The following IL6ST variants were observed in gnomAD, a reference collection of about 807,000 sequenced individuals.
The protein encoded by IL6ST is interleukin-6 receptor subunit beta.
In IL6ST, 24 loss-of-function variants were observed where a neutral mutation model predicts 91.3. The ratio of observed to expected loss-of-function variants is 0.26; its 90% CI spans 0.19 to 0.37. IL6ST has a LOEUF of 0.37. Among genes scored for constraint, IL6ST ranks in the 10% least tolerant of loss-of-function variants. The pLI, the probability that IL6ST is intolerant of heterozygous loss-of-function variation, is 1.00. For missense variants in IL6ST, 914 were observed against 1,078.5 expected (o/e 0.85, Z 2.14); for synonymous variants, 351 against 373.6 (o/e 0.94, Z 0.70).
intron 15 of IL6ST, among the ~76,000 whole-genome samples, chr5:55,943,818 C>T (rs1751069934): frequency 6.6e-6 from 1 of 152,018 alleles, no homozygotes; most frequent in Non-Finnish European, 1.5e-5. Context: ...ACCTGTAATC[C>T]CAACACTTTG....
At chr5:55,958,448 TA>T (rs71602928) in intron 8 of IL6ST, among the ~76,000 whole-genome samples, 1 of 152,076 alleles carries the variant, frequency 6.6e-6, no homozygotes, top group Non-Finnish European at 1.5e-5. Flanking sequence ...AAGTTTGTCT[TA>T]AAAAAATCAA....
Position 55,962,920 on chromosome 5 carries a change from T to G in IL6ST, c.813+432A>C, listed in dbSNP as rs1752407044. On this transcript the variant is annotated intron_variant, in intron 7 of 16. Coordinates refer to ENST00000381298, the MANE Select transcript of IL6ST (RefSeq NM_002184.4). ...GCTTAAGGCCAGGAGTTTGAGACCATCCTGGGCAACACGGCGAGACTCCAT... is the reference window on the plus strand; with the variant it reads ...GCTTAAGGCCAGGAGTTTGAGACCAGCCTGGGCAACACGGCGAGACTCCAT... Among the ~76,000 whole-genome samples the G allele has an allele frequency of 2.6e-5, 4 of 151,994 alleles. No individual in the cohort carries two copies. The South Asian group carries it at 8.3e-4, about 32-fold the overall frequency.
rs866200393 is a variant in IL6ST, at chr5:55,986,206, G to T, written c.-103-3395C>A. On this transcript the variant is annotated intron_variant, in intron 1 of 16. Coordinates refer to ENST00000381298, the MANE Select transcript of IL6ST (RefSeq NM_002184.4). ...ACTACTTCTATCATTGTTCAAAAAG[G>T]GATATTGAAATCCCTGAATATAACT... Among the ~76,000 whole-genome samples, 64 of 152,214 alleles carry T rather than the reference G, an allele frequency of 4.2e-4. No homozygotes were observed. In the Middle Eastern group the frequency reaches 0.01, roughly 24 times the overall value.
chr5:55,964,886 GT>G (rs1752549662), intron 5 of IL6ST, among the ~76,000 whole-genome samples: 1 of 151,962 alleles, frequency 6.6e-6, no homozygotes, highest in Non-Finnish European at 1.5e-5. Flanking sequence ...ATACAACACT[GT>G]TTTTAAAAAT....
chr5:55,966,333 G>A (rs1264049546), intron 5 of IL6ST, among the ~76,000 whole-genome samples: 1 of 152,168 alleles, frequency 6.6e-6, no homozygotes, highest in Non-Finnish European at 1.5e-5. Context: ...ATATCAGACA[G>A]GTAGTTGCTC....
chr5:55,952,206 A>G (rs373546709), intron 12 of IL6ST, 44 bp downstream of exon 12: 7 of 1,519,442 alleles, frequency 4.6e-6, no homozygotes, highest in Non-Finnish European at 6.3e-6. Context: ...CTGTTAATAC[A>G]AAGCCCTAAA....
Position 55,964,215 on chromosome 5 carries a change from A to G in IL6ST, c.589T>C (p.Trp197Arg), listed in dbSNP as rs1752506245. ...CCAAGGGCATTCTCTGCTTCTACCC[A>G]GACTTCAATGTTGACAAAATACACA... ...STVYFVNIEV[W>R]VEAENALGKV... The change falls in exon 6 of 17, where the codon TGG (tryptophan) becomes CGG (arginine). Residue 197 changes from tryptophan to arginine, a missense_variant. Physicochemically the swap from Trp to Arg is moderately radical, Grantham distance 101 (BLOSUM62 -3). Transcript: ENST00000381298. The G allele has an allele frequency of 6.2e-7, 1 of 1,610,756 alleles. No homozygotes were observed. The highest frequency in any genetic ancestry group is 1.3e-5 in the African/African-American group (1 of 74,874).
chr5:55,993,779 C>T (rs1754469006), intron 1 of IL6ST, among the ~76,000 whole-genome samples: 1 of 152,118 alleles, frequency 6.6e-6, no homozygotes, highest in South Asian at 2.1e-4. Flanking sequence ...AAAATACTTC[C>T]AAATAGGAAT....
At chr5:55,957,412 C>T in intron 8 of IL6ST, 121 bp from the exon 9 acceptor site, 1 of 498,026 alleles carries the variant, frequency 2.0e-6, no homozygotes. Flanking sequence ...GTGTCTCTAC[C>T]TCTTTATACC....
rs192871080 is a variant in IL6ST at position 55,969,436 on chromosome 5, G to A, written c.370+114C>T. Reference sequence around the variant, plus strand: ...AGCTTATTTTTTAAAAACCAAACATGTCCAAGTCACTAAGTCCACAAGTTA... The same window carrying A: ...AGCTTATTTTTTAAAAACCAAACATATCCAAGTCACTAAGTCCACAAGTTA... On this transcript the variant is annotated intron_variant, in intron 4 of 16. Coordinates refer to ENST00000381298, the MANE Select transcript of IL6ST (RefSeq NM_002184.4). 8.9e-5 allele frequency: 61 copies of A among 687,018 alleles called. No individual in the cohort carries two copies. In the African/African-American group the frequency reaches 9.0e-4, roughly 10 times the overall value. 42.6% of individuals were successfully genotyped at this position (687,018 alleles called of 1,614,324 possible).
At position 55,954,963 on chromosome 5, in the gene IL6ST, A is replaced by G. The variant is rs376610689; in HGVS notation, c.1297T>C (p.Phe433Leu). The change falls in exon 11 of 17, where the codon TTC (phenylalanine) becomes CTC (leucine). Residue 433 changes from phenylalanine to leucine, a missense_variant. Physicochemically the swap from Phe to Leu is conservative, Grantham distance 22 (BLOSUM62 0). Transcript: ENST00000381298. The part of the protein sequence containing the change: ...ATHPVMDLKA[F>L]PKDNMLWVEW... Reference sequence around the variant, plus strand: ...ACCCAAAGCATGTTATCTTTGGGGAATGCTTTAAGATCCATTACAGGGTGA... The same window carrying G: ...ACCCAAAGCATGTTATCTTTGGGGAGTGCTTTAAGATCCATTACAGGGTGA... 6.2e-7 allele frequency: 1 copy of G among 1,610,624 alleles called. No homozygotes were observed. Among genetic ancestry groups the G allele is most frequent in the East Asian group, 2.2e-5 (1 of 44,832 alleles).
intron 1 of IL6ST, among the ~76,000 whole-genome samples, chr5:55,992,340 C>T (rs866892537): frequency 2.6e-5 from 4 of 152,128 alleles, no homozygotes; most frequent in Non-Finnish European, 4.4e-5. Context: ...TGTATGGAGA[C>T]GCAGGATGTA....
rs1269300449 is a variant in IL6ST, at chr5:55,940,044, A to G, written c.*1038T>C. ...TATTTAAAAATAAAAAAAATACTCAAAACAAATTTAAGCTGAAGATATATA... is the reference window on the plus strand; with the variant it reads ...TATTTAAAAATAAAAAAAATACTCAGAACAAATTTAAGCTGAAGATATATA... On this transcript the variant is annotated 3_prime_UTR_variant, in exon 17 of 17. Transcript: ENST00000381298. The G allele has an allele frequency of 1.5e-5, 3 of 198,422 alleles. No homozygotes were observed. The highest frequency in any genetic ancestry group is 3.1e-5 in the Non-Finnish European group (3 of 95,578). 12.3% of individuals were successfully genotyped at this position (198,422 alleles called of 1,614,324 possible).
chr5:55,989,982 A>G (rs1754217593), intron 1 of IL6ST, among the ~76,000 whole-genome samples: 2 of 152,150 alleles, frequency 1.3e-5, no homozygotes, highest in South Asian at 4.1e-4. Context: ...GTAATACATA[A>G]AACAGAACAT....
chr5:55,994,522 G>A (rs1754532716), intron 1 of IL6ST, among the ~76,000 whole-genome samples: 1 of 152,120 alleles, frequency 6.6e-6, no homozygotes, highest in Non-Finnish European at 1.5e-5. Flanking sequence ...CTGCGGGGCG[G>A]GCGTTAAGAG....
At chr5:55,967,312 A>G in intron 5 of IL6ST, among the ~76,000 whole-genome samples, 1 of 51,202 alleles carries the variant, frequency 2.0e-5, no homozygotes. Flanking sequence ...TCCATCTCAA[A>G]AAAAAAAAAA....
intron 14 of IL6ST, among the ~76,000 whole-genome samples, chr5:55,947,813 G>A (rs369198908): frequency 2.3e-4 from 35 of 152,042 alleles, no homozygotes; most frequent in East Asian, 7.7e-4. Context: ...TAACCTGGCC[G>A]CATAGCATAA....
chr5:55,943,392 G>T (rs1751042299), intron 15 of IL6ST, among the ~76,000 whole-genome samples: 1 of 152,068 alleles, frequency 6.6e-6, no homozygotes, highest in Non-Finnish European at 1.5e-5. Flanking sequence ...TGGGCAAAAG[G>T]AAACAATTGT....
At position 55,969,832 on chromosome 5, in the gene IL6ST, A is replaced by C; in HGVS notation, c.88T>G (p.Tyr30Asp). The change falls in exon 4 of 17, where the codon TAT becomes GAT. Residue 30 changes from tyrosine to aspartate, a missense_variant. Transcript: ENST00000381298. ...ACAACTGGAGATTCAGGACTGATATAACCACATGGATCTAGAAGTTCACCT... is the reference window on the plus strand; with the variant it reads ...ACAACTGGAGATTCAGGACTGATATCACCACATGGATCTAGAAGTTCACCT... Reference protein sequence around the residue: ...STGELLDPCGYISPESPVVQL... With the variant: ...STGELLDPCGDISPESPVVQL... The C allele has an allele frequency of 9.4e-6, 15 of 1,602,138 alleles. No individual in the cohort carries two copies. Among genetic ancestry groups the C allele is most frequent in the Non-Finnish European group, 1.3e-5 (15 of 1,170,608 alleles).
Sources: gnomAD v4.1 joint callset for allele counts (sites outside exome capture counted in the v4.1 genomes callset) on GRCh38, gnomAD v4.1.1 for gene constraint, MANE v1.5 for transcripts, NCBI Gene and HGNC (gene_info 2026-07-23, HGNC 2026-07-21) for gene names.